Variants in FBXL13 observed in about 807,000 individuals in gnomAD.
FBXL13 encodes F-box and leucine rich repeat protein 13.
In FBXL13, 67 loss-of-function variants were observed where a neutral mutation model predicts 83.6. That is an observed-to-expected ratio of 0.80 (90% confidence interval 0.66 to 0.98). The LOEUF is 0.98. FBXL13 is among the 50% of genes least tolerant of loss of function. The pLI is 0.00. For synonymous variants in FBXL13, 272 were observed against 299.5 expected (o/e 0.91, Z 0.95); for missense variants, 822 against 866.5 (o/e 0.95, Z 0.64).
At position 103,025,069 on chromosome 7, in the gene FBXL13, T is replaced by C. The variant is rs747311921; in HGVS notation, c.489A>G (p.Ile163Met). The C allele has an allele frequency of 3.1e-6, 5 of 1,608,228 alleles. No individual in the cohort carries two copies. In the Admixed American group the frequency reaches 5.1e-5, roughly 16 times the overall value. The change falls in exon 6 of 20, where the codon ATA (isoleucine) becomes ATG (methionine). Residue 163 changes from isoleucine (I) to methionine (M), a missense_variant. Transcript: ENST00000313221. ...ATACTGAATTCATACAAACCTGTAA[T>C]ATTGCTCTTTCAGGTAACAGTGAAA...
intron 8 of FBXL13, among the ~76,000 whole-genome samples, chr7:102,957,129 A>G (rs1824394140): frequency 6.6e-6 from 1 of 152,240 alleles, no homozygotes; most frequent in Non-Finnish European, 1.5e-5. Flanking sequence ...ACCTGACTTC[A>G]AACTATACTA....
intron 2 of FBXL13, 41 bp downstream of exon 2, chr7:103,055,603 A>G (rs150158654): frequency 2.1e-6 from 2 of 964,672 alleles, no homozygotes; most frequent in African/African-American, 3.5e-5. Flanking sequence ...TTTTCCTTCA[A>G]AATAAAATAT....
At chr7:102,967,169 A>G (rs1826057939) in intron 7 of FBXL13, among the ~76,000 whole-genome samples, 1 of 152,002 alleles carries the variant, frequency 6.6e-6, no homozygotes, top group Non-Finnish European at 1.5e-5. Context: ...GGCGTTGGCC[A>G]GGATGGTCTT....
At chr7:103,043,118 T>C (rs1017472003) in intron 2 of FBXL13, among the ~76,000 whole-genome samples, 29 of 151,848 alleles carry the variant, frequency 1.9e-4, no homozygotes, top group Non-Finnish European at 4.0e-4. Flanking sequence ...TTAAACAAAT[T>C]TACAAGAAAA....
intron 6 of FBXL13, chr7:102,976,057 A>G: frequency 1.3e-6 from 1 of 766,438 alleles, no homozygotes; most frequent in South Asian, 1.3e-5. Flanking sequence ...CCCCACTGGA[A>G]GTTGGACTGT....
chr7:103,053,298 A>G (rs4729867), intron 2 of FBXL13, among the ~76,000 whole-genome samples: 147,574 of 151,772 alleles, frequency 0.97, 71,897 homozygotes, highest in South Asian at 1. Context: ...GATTACAGGC[A>G]CCCGCCACCA....
intron 18 of FBXL13, among the ~76,000 whole-genome samples, chr7:102,829,018 C>T (rs938826998): frequency 2.0e-5 from 3 of 152,164 alleles, no homozygotes; most frequent in African/African-American, 7.2e-5. Flanking sequence ...GGGGTACTGA[C>T]TGGAACAGCC....
intron 6 of FBXL13, among the ~76,000 whole-genome samples, chr7:103,006,688 A>T (rs1223434596): frequency 6.6e-6 from 1 of 152,204 alleles, no homozygotes; most frequent in Non-Finnish European, 1.5e-5. Flanking sequence ...AACCTATAAG[A>T]TTATCCAACA....
chr7:102,929,633 C>T (rs1251142079), intron 9 of FBXL13, among the ~76,000 whole-genome samples: 2 of 128,462 alleles, frequency 1.6e-5, no homozygotes, highest in African/African-American at 5.8e-5. Flanking sequence ...CACTGCACTC[C>T]AGCCTGGGCA....
chr7:102,836,833 C>A (rs181119932), intron 17 of FBXL13, among the ~76,000 whole-genome samples: 1 of 152,314 alleles, frequency 6.6e-6, no homozygotes, highest in East Asian at 1.9e-4. Flanking sequence ...CTGAATTAAA[C>A]CACTTTGACA....
intron 6 of FBXL13, among the ~76,000 whole-genome samples, chr7:103,010,242 C>A (rs1377562065): frequency 6.6e-6 from 1 of 151,852 alleles, no homozygotes; most frequent in Non-Finnish European, 1.5e-5. Flanking sequence ...CTAGAGCTTT[C>A]AGCCCAGTGT....
At chr7:102,862,644 A>T (rs1807035983) in intron 16 of FBXL13, among the ~76,000 whole-genome samples, 4 of 152,270 alleles carry the variant, frequency 2.6e-5, no homozygotes, top group Admixed American at 2.6e-4. Context: ...GAATGTTAAC[A>T]TGTACAAGTA....
intron 6 of FBXL13, among the ~76,000 whole-genome samples, chr7:103,018,497 C>T (rs962715502): frequency 2.5e-4 from 38 of 152,242 alleles, no homozygotes; most frequent in Non-Finnish European, 4.7e-4. Flanking sequence ...TGTAAATGGG[C>T]TAAATGCTCC....
At chr7:103,062,923 T>C (rs1465753192) in intron 1 of FBXL13, among the ~76,000 whole-genome samples, 1 of 152,238 alleles carries the variant, frequency 6.6e-6, no homozygotes, top group African/African-American at 2.4e-5. Flanking sequence ...CAGCAAATAT[T>C]TGCTGATAGA....
intron 6 of FBXL13, among the ~76,000 whole-genome samples, chr7:102,986,024 C>G (rs914331674): frequency 1.3e-5 from 2 of 151,880 alleles, no homozygotes; most frequent in Non-Finnish European, 2.9e-5. Flanking sequence ...GATGCCCCCC[C>G]CCCATCAATA....
intron 6 of FBXL13, among the ~76,000 whole-genome samples, chr7:103,005,673 A>T (rs903281207): frequency 6.6e-6 from 1 of 152,132 alleles, no homozygotes; most frequent in African/African-American, 2.4e-5. Context: ...TTCTCTTCTT[A>T]AAAGGGCGCC....
At chr7:103,038,669 A>T (rs556770075) in intron 2 of FBXL13, among the ~76,000 whole-genome samples, 1 of 152,358 alleles carries the variant, frequency 6.6e-6, no homozygotes, top group African/African-American at 2.4e-5. Context: ...GGTGATACAT[A>T]GGCAAACAAG....
intron 16 of FBXL13, among the ~76,000 whole-genome samples, chr7:102,856,535 A>G (rs373993146): frequency 3.3e-5 from 5 of 152,370 alleles, no homozygotes; most frequent in East Asian, 1.9e-4. Context: ...AATATGACAT[A>G]TAACAACATA....
intron 8 of FBXL13, among the ~76,000 whole-genome samples, chr7:102,956,316 T>G (rs1175413375): frequency 6.6e-6 from 1 of 152,092 alleles, no homozygotes. Flanking sequence ...AGAAAAGGCC[T>G]TCGACAAAAT....
Sources: gnomAD v4.1 joint callset for allele counts (sites outside exome capture counted in the v4.1 genomes callset) on GRCh38, gnomAD v4.1.1 for gene constraint, MANE v1.5 for transcripts, NCBI Gene and HGNC (gene_info 2026-07-23, HGNC 2026-07-21) for gene names.